The following CXCL17 variants were observed in gnomAD, a reference collection of about 807,000 sequenced individuals.
The protein encoded by CXCL17 is C-X-C motif chemokine 17.
CXCL17 carries 9 observed loss-of-function variants against 15.5 expected under a neutral mutation model. The ratio of observed to expected loss-of-function variants is 0.58; its 90% CI spans 0.35 to 1.01. The LOEUF is 1.01. CXCL17 is among the 50% of genes least tolerant of loss of function. CXCL17 has a pLI of 0.02. For synonymous variants in CXCL17, 52 were observed against 52.3 expected, an observed-to-expected ratio of 0.99 and a Z score of 0.02; for missense variants, 133 against 138.2, an observed-to-expected ratio of 0.96 and a Z score of 0.19.
At chr19:42,431,216 G>T (rs1421678218) in intron 3 of CXCL17, among the ~76,000 whole-genome samples, 2 of 152,164 alleles carry the variant, frequency 1.3e-5, no homozygotes, top group Admixed American at 6.6e-5. Context: ...AGCTGTTTGG[G>T]TTTCATCATC....
At chr19:42,435,501 G>A (rs887357444) in intron 1 of CXCL17, among the ~76,000 whole-genome samples, 13 of 151,994 alleles carry the variant, frequency 8.6e-5, no homozygotes, top group African/African-American at 3.1e-4. Context: ...GGCTGTTATG[G>A]TGGGCCCTAC....
At chr19:42,435,165 C>T (rs1010334879) in intron 1 of CXCL17, among the ~76,000 whole-genome samples, 2 of 145,874 alleles carry the variant, frequency 1.4e-5, no homozygotes, top group African/African-American at 5.2e-5. Context: ...GGCGACAGAG[C>T]GAGACACGGT....
chr19:42,435,140 T>C (rs8103891), intron 1 of CXCL17, among the ~76,000 whole-genome samples: 32,469 of 151,268 alleles, frequency 0.21, 5,692 homozygotes, highest in African/African-American at 0.48. Context: ...GATCGTACCA[T>C]TGTACTCCAT....
intron 1 of CXCL17, among the ~76,000 whole-genome samples, chr19:42,437,494 C>T (rs1334541675): frequency 3.3e-5 from 5 of 152,234 alleles, no homozygotes; most frequent in Non-Finnish European, 5.9e-5. Flanking sequence ...TGTCACTTAA[C>T]TGTCGACTTG....
intron 1 of CXCL17, among the ~76,000 whole-genome samples, chr19:42,439,253 CAAAAAAAAAA>C (rs58768697): frequency 1.3e-5 from 1 of 77,510 alleles, no homozygotes. Flanking sequence ...GACTCTATCT[CAAAAAAAAAA>C]AAAAAAAAAA....
intron 1 of CXCL17, among the ~76,000 whole-genome samples, chr19:42,435,857 C>G (rs1394538389): frequency 6.7e-6 from 1 of 150,318 alleles, no homozygotes; most frequent in Non-Finnish European, 1.5e-5. Context: ...TAGGGGGGAT[C>G]CTAGAGAGCT....
At position 42,436,385 on chromosome 19, in the gene CXCL17, T is replaced by G. The variant is rs374004958; in HGVS notation, c.80-2529A>C. ...TTAAACTTTTCTAACATTTTTACTC[T>G]TGCCTGACCTCTACTCCTAGTTCCA... On this transcript the variant is annotated intron_variant, in intron 1 of 3. Transcript: ENST00000601181. 4.6e-5 allele frequency among the ~76,000 whole-genome samples: 7 copies of G among 152,334 alleles called. No homozygotes were observed. The South Asian group carries it at 1.4e-3, about 32-fold the overall frequency.
At position 42,436,491 on chromosome 19, in the gene CXCL17, T is replaced by G. The variant is rs191214252; in HGVS notation, c.80-2635A>C. The stretch of plus-strand genomic sequence containing the variant: ...AATTCCTTAATTCTGAAGTTTTTTT[T>G]TTTTTCAGTCTAAATGTAATTTAAC... On this transcript the variant is annotated intron_variant, in intron 1 of 3. Coordinates refer to ENST00000601181, the MANE Select transcript of CXCL17 (RefSeq NM_198477.3). Among the ~76,000 whole-genome samples the G allele has an allele frequency of 3.3e-5, 5 of 152,322 alleles. No homozygotes were observed. In the East Asian group the frequency reaches 9.6e-4, roughly 29 times the overall value.
chr19:42,442,559 A>G (rs1460494099), intron 1 of CXCL17, among the ~76,000 whole-genome samples, 195 bp downstream of exon 1: 1 of 152,052 alleles, frequency 6.6e-6, no homozygotes, highest in Non-Finnish European at 1.5e-5. Context: ...CACATACAAT[A>G]TCTCGTTTAA....
rs745625986 is a variant in CXCL17, at chr19:42,433,079, T to A, written c.161-2A>T. 1 of 1,609,376 alleles carries A rather than the reference T, an allele frequency of 6.2e-7. No individual in the cohort carries two copies. The highest frequency in any genetic ancestry group is 1.7e-5 in the Admixed American group (1 of 59,886). ...TTCTCGGGGCTCTCAGGAACCAATC[T>A]GGAACAACAGCATTGCTGCTTAGAT... On this transcript the variant is annotated splice_acceptor_variant, in intron 2 of 3. Coordinates refer to ENST00000601181, the MANE Select transcript of CXCL17 (RefSeq NM_198477.3). LOFTEE classifies it high-confidence loss of function.
intron 1 of CXCL17, among the ~76,000 whole-genome samples, chr19:42,434,838 G>A (rs533268384): frequency 6.6e-6 from 1 of 152,190 alleles, no homozygotes; most frequent in Admixed American, 6.5e-5. Flanking sequence ...ATCCGAGCCT[G>A]TTTTATTTTC....
At chr19:42,431,723 T>C (rs1402863304) in intron 3 of CXCL17, among the ~76,000 whole-genome samples, 1 of 151,630 alleles carries the variant, frequency 6.6e-6, no homozygotes, top group African/African-American at 2.4e-5. Flanking sequence ...ATATTTATTT[T>C]AGAGACAGGA....
intron 3 of CXCL17, among the ~76,000 whole-genome samples, chr19:42,429,425 T>C (rs958304619): frequency 2.0e-5 from 3 of 152,032 alleles, no homozygotes; most frequent in African/African-American, 7.3e-5. Context: ...GTCTCCCAGA[T>C]TCAAGCGATT....
chr19:42,430,331 C>T (rs1227038049), intron 3 of CXCL17, among the ~76,000 whole-genome samples: 2 of 151,614 alleles, frequency 1.3e-5, no homozygotes, highest in Non-Finnish European at 2.9e-5. Flanking sequence ...CACGGTGGCT[C>T]ATGCCTGTAA....
At chr19:42,441,766 C>T (rs762369799) in intron 1 of CXCL17, among the ~76,000 whole-genome samples, 1 of 152,110 alleles carries the variant, frequency 6.6e-6, no homozygotes, top group Non-Finnish European at 1.5e-5. Context: ...ACATGGGGAT[C>T]AGGTCTTTTC....
At chr19:42,441,580 C>T (rs1342481789) in intron 1 of CXCL17, among the ~76,000 whole-genome samples, 2 of 152,068 alleles carry the variant, frequency 1.3e-5, no homozygotes, top group Non-Finnish European at 2.9e-5. Context: ...GGCCCTAGGG[C>T]TATGGGGCTT....
intron 1 of CXCL17, among the ~76,000 whole-genome samples, chr19:42,441,094 G>A (rs1374821266): frequency 6.6e-6 from 1 of 152,212 alleles, no homozygotes; most frequent in Non-Finnish European, 1.5e-5. Context: ...CTTGCAGTTA[G>A]CTAATGTTTG....
At chr19:42,439,004 A>C (rs1397457772) in intron 1 of CXCL17, among the ~76,000 whole-genome samples, 3 of 152,348 alleles carry the variant, frequency 2.0e-5, no homozygotes, top group Non-Finnish European at 4.4e-5. Context: ...CTGTAATCCC[A>C]GCACTTTGGG....
At chr19:42,431,680 A>G (rs2040782897) in intron 3 of CXCL17, among the ~76,000 whole-genome samples, 1 of 149,308 alleles carries the variant, frequency 6.7e-6, no homozygotes, top group African/African-American at 2.5e-5. Context: ...TCTCATTATT[A>G]TTATTATTAT....
Sources: allele counts gnomAD v4.1 joint callset (sites outside exome capture counted in the v4.1 genomes callset), GRCh38; gene constraint gnomAD v4.1.1; transcripts MANE v1.5; gene names NCBI Gene and HGNC (gene_info 2026-07-23, HGNC 2026-07-21).